Variants in ARB2A observed in about 807,000 individuals in gnomAD.
The protein encoded by ARB2A is cotranscriptional regulator ARB2A.
the ARB2A span, among the ~76,000 whole-genome samples, chr5:93,921,050 G>A: frequency 6.6e-6 from 1 of 150,760 alleles, no homozygotes; most frequent in East Asian, 2.0e-4. Flanking sequence ...AAAAAGTCAT[G>A]ACATTACAAG....
the ARB2A span, among the ~76,000 whole-genome samples, chr5:93,802,314 T>C: frequency 3.3e-5 from 5 of 151,790 alleles, no homozygotes; most frequent in African/African-American, 1.2e-4. Flanking sequence ...TTGTCATAGA[T>C]GACACATAAA....
chr5:93,807,999 C>T, the ARB2A span, among the ~76,000 whole-genome samples: 3 of 151,970 alleles, frequency 2.0e-5, no homozygotes, highest in Admixed American at 2.0e-4. Flanking sequence ...CATCAGGCTG[C>T]CTTGGACAGG....
chr5:93,818,903 C>G, the ARB2A span, among the ~76,000 whole-genome samples: 7 of 152,118 alleles, frequency 4.6e-5, no homozygotes, highest in South Asian at 1.4e-3. Flanking sequence ...AAGGTTTAAA[C>G]TTGGCCGGGC....
At chr5:93,621,024 G>C in the ARB2A span, 1 of 1,611,280 alleles carries the variant, frequency 6.2e-7, no homozygotes, top group Non-Finnish European at 8.5e-7. Flanking sequence ...GGAGCGGCGC[G>C]TCACAGCCGG....
At chr5:93,674,942 C>A in the ARB2A span, among the ~76,000 whole-genome samples, 20 of 152,254 alleles carry the variant, frequency 1.3e-4, no homozygotes, top group African/African-American at 4.6e-4. Context: ...GCACTGTTTA[C>A]AATTTATAAT....
At chr5:93,678,534 T>C in the ARB2A span, among the ~76,000 whole-genome samples, 1 of 152,144 alleles carries the variant, frequency 6.6e-6, no homozygotes, top group Non-Finnish European at 1.5e-5. Context: ...GGTGGGTGGA[T>C]CACTTGAGGT....
the ARB2A span, among the ~76,000 whole-genome samples, chr5:94,044,609 C>A: frequency 6.6e-6 from 1 of 152,098 alleles, no homozygotes; most frequent in African/African-American, 2.4e-5. Context: ...GCAACTCCGT[C>A]TTGAAAAGGA....
the ARB2A span, among the ~76,000 whole-genome samples, chr5:93,621,338 G>A: frequency 6.6e-6 from 1 of 151,992 alleles, no homozygotes; most frequent in Non-Finnish European, 1.5e-5. Context: ...GACTCCCAGG[G>A]CACAACTAGG....
the ARB2A span, among the ~76,000 whole-genome samples, chr5:93,623,378 C>T: frequency 6.6e-6 from 1 of 152,126 alleles, no homozygotes. Context: ...AGGCTATGAT[C>T]AATTTGTAAG....
At chr5:93,971,269 C>A in the ARB2A span, among the ~76,000 whole-genome samples, 1 of 152,020 alleles carries the variant, frequency 6.6e-6, no homozygotes, top group East Asian at 1.9e-4. Flanking sequence ...AAAACTTTCA[C>A]TTTTAACACA....
At chr5:93,948,954 C>A in the ARB2A span, among the ~76,000 whole-genome samples, 2 of 152,110 alleles carry the variant, frequency 1.3e-5, no homozygotes, top group Non-Finnish European at 2.9e-5. Context: ...CTTCCAGGGT[C>A]TTACCTATAT....
At chr5:93,741,584 C>A in the ARB2A span, 3 of 1,497,954 alleles carry the variant, frequency 2.0e-6, no homozygotes, top group African/African-American at 2.8e-5. Context: ...GCACCCGCAG[C>A]GGCTCTGGTA....
chr5:93,793,649 T>A, the ARB2A span, among the ~76,000 whole-genome samples: 1 of 152,158 alleles, frequency 6.6e-6, no homozygotes, highest in South Asian at 2.1e-4. Flanking sequence ...GTTAGGAAGC[T>A]AGAGTAATGT....
chr5:93,902,745 T>C, the ARB2A span, among the ~76,000 whole-genome samples: 1 of 152,228 alleles, frequency 6.6e-6, no homozygotes, highest in East Asian at 1.9e-4. Flanking sequence ...TCCAAATGTA[T>C]GATTAGCTAC....
chr5:93,927,575 C>A, the ARB2A span, among the ~76,000 whole-genome samples: 38 of 152,168 alleles, frequency 2.5e-4, 1 homozygote, highest in African/African-American at 8.9e-4. Context: ...AATGGGCTAA[C>A]TGATACATCA....
chr5:93,993,174 T>C, the ARB2A span, among the ~76,000 whole-genome samples: 1 of 152,112 alleles, frequency 6.6e-6, no homozygotes, highest in African/African-American at 2.4e-5. Context: ...ACAAAAAATT[T>C]ACCTTAAATA....
the ARB2A span, among the ~76,000 whole-genome samples, chr5:93,693,035 T>C: frequency 6.6e-6 from 1 of 152,182 alleles, no homozygotes; most frequent in South Asian, 2.1e-4. Flanking sequence ...CCAGAATCTC[T>C]GGGACACAGT....
the ARB2A span, among the ~76,000 whole-genome samples, chr5:93,783,837 T>C: frequency 1.3e-5 from 2 of 152,140 alleles, no homozygotes; most frequent in Non-Finnish European, 2.9e-5. Flanking sequence ...GAAAAGAAGC[T>C]TTCTTAGCCT....
At chr5:93,898,133 T>C in the ARB2A span, among the ~76,000 whole-genome samples, 1 of 152,086 alleles carries the variant, frequency 6.6e-6, no homozygotes, top group East Asian at 1.9e-4. Flanking sequence ...ATAAGATGAA[T>C]ACTAGTATGT....
Sources: allele counts gnomAD v4.1 joint callset (sites outside exome capture counted in the v4.1 genomes callset), GRCh38; gene constraint gnomAD v4.1.1; transcripts MANE v1.5; gene names NCBI Gene and HGNC (gene_info 2026-07-23, HGNC 2026-07-21).